The following ACO1 variants were observed in gnomAD, a reference collection of about 807,000 sequenced individuals.
The protein encoded by ACO1 is cytoplasmic aconitate hydratase.
Under a neutral mutation model 105.1 loss-of-function variants are expected in ACO1, and 78 were observed. That is an observed-to-expected ratio of 0.74 (90% CI 0.62 to 0.90). The LOEUF (loss-of-function observed/expected upper bound fraction) is 0.90. Ranked by LOEUF, ACO1 falls within the 40% of genes least tolerant of loss-of-function variation. The probability of loss-of-function intolerance (pLI) is 0.00; values close to 1 mark genes in which losing one functional copy is unlikely to be tolerated. For missense variants in ACO1, 965 were observed against 1,111.1 expected (o/e 0.87, Z 1.87); for synonymous variants, 364 against 397.4 (o/e 0.92, Z 1.00).
At chr9:32,429,905 A>AC (rs1307366413) in intron 13 of ACO1, among the ~76,000 whole-genome samples, 3 of 152,308 alleles carry the variant, frequency 2.0e-5, no homozygotes, top group African/African-American at 7.2e-5. Flanking sequence ...AGTGATGAAG[A>AC]CCACAATTAC....
chr9:32,453,099 G>C lies in ACO1; in HGVS notation c.*2988G>C, dbSNP rs1344653685. ...TTACTATCCAAATTAAAAATCTGCTGTTCTCCCTCCCATATTCTTTGCGAA... is the reference window on the plus strand; with the variant it reads ...TTACTATCCAAATTAAAAATCTGCTCTTCTCCCTCCCATATTCTTTGCGAA... On this transcript the variant is annotated 3_prime_UTR_variant, in exon 21 of 21. Coordinates refer to ENST00000309951, the MANE Select transcript of ACO1 (RefSeq NM_002197.3). The C allele has an allele frequency of 6.6e-6, 1 of 151,072 alleles. No homozygotes were observed. Among genetic ancestry groups the C allele is most frequent in the African/African-American group, 2.4e-5 (1 of 40,992 alleles). The allele number at this position is 151,072 out of a possible 1,614,324, so 9.4% of individuals were successfully genotyped here.
At chr9:32,448,432 C>G (rs918118607) in intron 19 of ACO1, among the ~76,000 whole-genome samples, 4 of 152,258 alleles carry the variant, frequency 2.6e-5, no homozygotes, top group Non-Finnish European at 1.5e-5. Context: ...GCAAGAATTT[C>G]AAGCCAGTGG....
intron 1 of ACO1, among the ~76,000 whole-genome samples, chr9:32,400,029 G>T (rs1821460692): frequency 8.0e-6 from 1 of 124,232 alleles, no homozygotes; most frequent in African/African-American, 3.2e-5. Context: ...GGAGTGCAAT[G>T]GCACGATCTT....
intron 1 of ACO1, among the ~76,000 whole-genome samples, chr9:32,390,947 T>G (rs1821255456): frequency 6.6e-6 from 1 of 152,162 alleles, no homozygotes; most frequent in Admixed American, 6.5e-5. Flanking sequence ...TACAACTGAA[T>G]AATATTGGGT....
chr9:32,442,244 C>T (rs890151426), intron 19 of ACO1, among the ~76,000 whole-genome samples: 1 of 152,010 alleles, frequency 6.6e-6, no homozygotes, highest in Non-Finnish European at 1.5e-5. Flanking sequence ...CTATAGTTCA[C>T]GGTTCTCAAA....
intron 1 of ACO1, among the ~76,000 whole-genome samples, chr9:32,391,168 C>T (rs1428384135): frequency 6.6e-6 from 1 of 152,210 alleles, no homozygotes; most frequent in Non-Finnish European, 1.5e-5. Context: ...ATCCTAGCAG[C>T]CCTTGTCATC....
chr9:32,389,684 T>C (rs1821225997), intron 1 of ACO1, among the ~76,000 whole-genome samples: 1 of 143,450 alleles, frequency 7.0e-6, no homozygotes, highest in African/African-American at 2.6e-5. Flanking sequence ...TTTTTTTTTT[T>C]CCTTTTCTCT....
chr9:32,440,050 T>A (rs1186879998), intron 18 of ACO1, among the ~76,000 whole-genome samples: 1 of 152,160 alleles, frequency 6.6e-6, no homozygotes, highest in Admixed American at 6.5e-5. Flanking sequence ...GAGGATCACT[T>A]GAGGTCAGGA....
At chr9:32,385,857 G>A (rs1587503973) in intron 1 of ACO1, among the ~76,000 whole-genome samples, 1 of 152,224 alleles carries the variant, frequency 6.6e-6, no homozygotes, top group African/African-American at 2.4e-5. Flanking sequence ...TGCTGGTGTA[G>A]GAAATGCTTC....
Position 32,450,307 on chromosome 9 carries a change from C to CTTCTCTTTTTCCAGAAT in ACO1, c.*199_*215dup. ...TACATTCTCTATTTTTGTTAATCAT[C>CTTCTCTTTTTCCAGAAT]TTCTCTTTTTCCAGAATTTGGAAGC... On this transcript the variant is annotated 3_prime_UTR_variant, in exon 21 of 21. Transcript: ENST00000309951. The CTTCTCTTTTTCCAGAAT allele has an allele frequency of 1.5e-6, 1 of 673,308 alleles. No homozygotes were observed. The highest frequency in any genetic ancestry group is 2.8e-6 in the Non-Finnish European group (1 of 361,726). 41.7% of individuals were successfully genotyped at this position (673,308 alleles called of 1,614,324 possible).
Position 32,450,221 on chromosome 9 carries a change from A to T in ACO1, c.*110A>T, listed in dbSNP as rs1382347868. The stretch of plus-strand genomic sequence containing the variant: ...CTCTGGGAGGGGTGCTGCCTTGTAG[A>T]TGGAGCAAGTGAGCACTGAGGGTCT... On this transcript the variant is annotated 3_prime_UTR_variant, in exon 21 of 21. Coordinates refer to ENST00000309951, the MANE Select transcript of ACO1 (RefSeq NM_002197.3). 2.4e-6 allele frequency: 2 copies of T among 842,720 alleles called. No homozygotes were observed. Among genetic ancestry groups the T allele is most frequent in the African/African-American group, 3.3e-5 (2 of 60,254 alleles). The allele number at this position is 842,720 out of a possible 1,614,324, so 52.2% of individuals were successfully genotyped here.
chr9:32,409,034 G>A (rs1443914654), intron 4 of ACO1, among the ~76,000 whole-genome samples: 1 of 152,124 alleles, frequency 6.6e-6, no homozygotes, highest in Non-Finnish European at 1.5e-5. Context: ...CCAAGTAACT[G>A]TTGCATATCT....
intron 3 of ACO1, among the ~76,000 whole-genome samples, chr9:32,407,853 A>G (rs547913241): frequency 6.6e-6 from 1 of 152,236 alleles, no homozygotes; most frequent in Non-Finnish European, 1.5e-5. Context: ...GAGATGATGT[A>G]GCTCACATCA....
At chr9:32,441,607 TGAAAA>T (rs1158258447) in intron 19 of ACO1, among the ~76,000 whole-genome samples, 2 of 150,602 alleles carry the variant, frequency 1.3e-5, no homozygotes, top group Non-Finnish European at 3.0e-5. Flanking sequence ...TGGAAACTAT[TGAAAA>T]GAACCAGATA....
At chr9:32,446,300 A>T (rs1267384957) in intron 19 of ACO1, among the ~76,000 whole-genome samples, 1 of 152,144 alleles carries the variant, frequency 6.6e-6, no homozygotes, top group Admixed American at 6.5e-5. Flanking sequence ...TATATTTAGG[A>T]TAGTTAGCTC....
chr9:32,424,689 G>C, intron 10 of ACO1, 24 bp downstream of exon 10: 1 of 1,510,746 alleles, frequency 6.6e-7, no homozygotes, highest in Admixed American at 1.7e-5. Context: ...GGAAGAGGTT[G>C]AATCCTCTCA....
intron 19 of ACO1, among the ~76,000 whole-genome samples, chr9:32,444,932 T>C (rs1333743212): frequency 2.6e-5 from 4 of 152,228 alleles, no homozygotes; most frequent in East Asian, 3.8e-4. Context: ...GAATTGCATA[T>C]GTTGAACCAG....
At chr9:32,419,820 T>G (rs1821930412) in intron 7 of ACO1, among the ~76,000 whole-genome samples, 1 of 152,254 alleles carries the variant, frequency 6.6e-6, no homozygotes, top group Admixed American at 6.5e-5. Flanking sequence ...TTTCTGTGAT[T>G]TGCTTGTTTT....
At chr9:32,419,223 T>TA (rs1821918639) in intron 7 of ACO1, 46 bp downstream of exon 7, 1 of 1,498,740 alleles carries the variant, frequency 6.7e-7, no homozygotes, top group Non-Finnish European at 9.0e-7. Context: ...GCCACAATGA[T>TA]AGCTTTCCAA....
Sources: allele counts gnomAD v4.1 joint callset (sites outside exome capture counted in the v4.1 genomes callset), GRCh38; gene constraint gnomAD v4.1.1; transcripts MANE v1.5; gene names NCBI Gene and HGNC (gene_info 2026-07-23, HGNC 2026-07-21).